Variants in MFSD11 observed in about 807,000 individuals in gnomAD.
MFSD11 encodes the protein major facilitator superfamily domain containing 11.
MFSD11 carries 36 observed loss-of-function variants against 53.5 expected under a neutral mutation model. That is an observed-to-expected ratio of 0.67 (90% CI 0.52 to 0.89). MFSD11 has a LOEUF of 0.89. Among genes scored for constraint, MFSD11 ranks in the 40% least tolerant of loss-of-function variants. The pLI, the probability that MFSD11 is intolerant of heterozygous loss-of-function variation, is 0.00. For missense variants in MFSD11, 530 were observed against 543.9 expected (o/e 0.97, Z 0.25); for synonymous variants, 186 against 184.9 (o/e 1.01, Z -0.05).
upstream of MFSD11, chr17:76,737,292 A>G (rs1209979041): frequency 3.1e-6 from 4 of 1,280,282 alleles, no homozygotes; most frequent in Non-Finnish European, 4.2e-6. Context: ...GCAGAACAGC[A>G]CGGACGGGCT....
intron 7 of MFSD11, among the ~76,000 whole-genome samples, chr17:76,749,769 AAT>A (rs1234982293): frequency 6.6e-6 from 1 of 151,656 alleles, no homozygotes; most frequent in African/African-American, 2.4e-5. Flanking sequence ...GTGTGCCTGT[AAT>A]CCCAGCTACT....
intron 11 of MFSD11, 37 bp downstream of exon 11, chr17:76,775,208 G>A (rs769720047): frequency 1.5e-5 from 24 of 1,596,522 alleles, no homozygotes; most frequent in East Asian, 6.7e-5. Context: ...GCTTGAGTAC[G>A]GGTGGGAGGT....
At chr17:76,803,039 C>A in the MFSD11 span, among the ~76,000 whole-genome samples, 1 of 152,226 alleles carries the variant, frequency 6.6e-6, no homozygotes, top group South Asian at 2.1e-4. Flanking sequence ...CACCTGTAGT[C>A]CCAGCTACTC....
chr17:76,791,146 A>T, the MFSD11 span, among the ~76,000 whole-genome samples: 1 of 148,414 alleles, frequency 6.7e-6, no homozygotes, highest in East Asian at 1.9e-4. Context: ...GCTATGATTT[A>T]CTGGTTTTCT....
At chr17:76,788,278 G>A in the MFSD11 span, among the ~76,000 whole-genome samples, 4 of 149,348 alleles carry the variant, frequency 2.7e-5, no homozygotes, top group Non-Finnish European at 6.0e-5. Flanking sequence ...CTGAGCTCAG[G>A]CAATCCAACC....
chr17:76,767,067 C>A (rs75934973), intron 8 of MFSD11: 7 of 238,722 alleles, frequency 2.9e-5, no homozygotes, highest in Admixed American at 5.9e-5. Flanking sequence ...AAGAGCCTAA[C>A]GGTTAATCAT....
chr17:76,747,297 T>C (rs2078639072), intron 7 of MFSD11, among the ~76,000 whole-genome samples: 1 of 151,600 alleles, frequency 6.6e-6, no homozygotes, highest in Non-Finnish European at 1.5e-5. Flanking sequence ...GTGGATTGTT[T>C]GGGCTTAGGA....
intron 10 of MFSD11, among the ~76,000 whole-genome samples, chr17:76,770,913 C>T (rs892252769): frequency 2.0e-5 from 3 of 152,210 alleles, no homozygotes; most frequent in African/African-American, 7.2e-5. Flanking sequence ...CATAGGCATG[C>T]TTGATTAAAT....
At chr17:76,738,745 C>T (rs1358331091) in intron 1 of MFSD11, among the ~76,000 whole-genome samples, 193 bp from the exon 2 acceptor site, 2 of 152,150 alleles carry the variant, frequency 1.3e-5, no homozygotes, top group Non-Finnish European at 2.9e-5. Context: ...AGCTGCTTTT[C>T]CTCCCCCCTC....
rs1464186505 is a variant in MFSD11, at chr17:76,744,555, A to T, written c.641+89A>T. ...TTACCAACCCGTTTAGCCCTAACTG[A>T]TGTCCAGTACTCTCTGTAGGTTACC... On this transcript the variant is annotated intron_variant, in intron 7 of 12. Transcript: ENST00000685175. The T allele has an allele frequency of 2.6e-6, 3 of 1,160,922 alleles. No individual in the cohort carries two copies. The African/African-American group carries it at 4.7e-5, about 18-fold the overall frequency. The allele number at this position is 1,160,922 out of a possible 1,614,324, so 71.9% of individuals were successfully genotyped here.
At chr17:76,803,630 C>G in the MFSD11 span, among the ~76,000 whole-genome samples, 7 of 152,170 alleles carry the variant, frequency 4.6e-5, no homozygotes, top group East Asian at 1.2e-3. Context: ...GGAATTGACT[C>G]CAGCACAAAA....
chr17:76,749,542 AG>A (rs1231943735), intron 7 of MFSD11, among the ~76,000 whole-genome samples: 1 of 122,810 alleles, frequency 8.1e-6, no homozygotes, highest in Non-Finnish European at 1.8e-5. Context: ...AAAAAAAAAA[AG>A]AAGAAGAAGG....
At chr17:76,786,732 A>G in the MFSD11 span, among the ~76,000 whole-genome samples, 2 of 152,244 alleles carry the variant, frequency 1.3e-5, no homozygotes, top group African/African-American at 4.8e-5. Flanking sequence ...GTCTGGTCAC[A>G]TAGGCAGCCT....
At chr17:76,737,119 G>A (rs546284289), upstream of MFSD11, 9 of 1,603,714 alleles carry the variant, frequency 5.6e-6, no homozygotes, top group Admixed American at 1.7e-5. Flanking sequence ...CCTTGAGGGA[G>A]GTCATACCCT....
At chr17:76,786,766 C>T in the MFSD11 span, among the ~76,000 whole-genome samples, 7 of 152,138 alleles carry the variant, frequency 4.6e-5, no homozygotes, top group Non-Finnish European at 8.8e-5. Flanking sequence ...ACCAAAATTC[C>T]GTACTCCAGA....
Position 76,779,331 on chromosome 17 carries a change from C to G in MFSD11, c.*979C>G, listed in dbSNP as rs1430418436. The G allele has an allele frequency of 1.3e-5, 2 of 149,214 alleles. No individual in the cohort carries two copies. The highest frequency in any genetic ancestry group is 4.2e-4 in the South Asian group (2 of 4,742). The allele number at this position is 149,214 out of a possible 1,614,324, so 9.2% of individuals were successfully genotyped here. ...ATAATGAAAAATAAATAACAAGATG[C>G]TGAAATGAAATATTGATTTTGAAAA... On this transcript the variant is annotated 3_prime_UTR_variant, in exon 13 of 13. Transcript: ENST00000685175.
At chr17:76,749,906 A>AC (rs2078904334) in intron 7 of MFSD11, among the ~76,000 whole-genome samples, 1 of 150,052 alleles carries the variant, frequency 6.7e-6, no homozygotes, top group African/African-American at 2.5e-5. Context: ...AAAAAAAAAA[A>AC]GCAGAGAAGC....
the MFSD11 span, among the ~76,000 whole-genome samples, chr17:76,794,697 T>TG: frequency 2.0e-3 from 8 of 4,056 alleles, no homozygotes; most frequent in East Asian, 0.015. Context: ...TTTTTTTTTT[T>TG]TTTTTTTTGT....
upstream of MFSD11, chr17:76,737,224 G>A (rs1891641980): frequency 1.4e-6 from 2 of 1,467,764 alleles, no homozygotes; most frequent in Non-Finnish European, 1.8e-6. Context: ...TGGGCGGTGC[G>A]ACGCCGCGCC....
Sources: allele counts gnomAD v4.1 joint callset (sites outside exome capture counted in the v4.1 genomes callset), GRCh38; gene constraint gnomAD v4.1.1; transcripts MANE v1.5; gene names NCBI Gene and HGNC (gene_info 2026-07-23, HGNC 2026-07-21).